SEMA3D: variants seen among roughly 807,000 people sequenced by gnomAD.
SEMA3D encodes the protein semaphorin-3D.
Under a neutral mutation model 100.1 loss-of-function variants are expected in SEMA3D, and 84 were observed. The ratio of observed to expected loss-of-function variants is 0.84; its 90% CI spans 0.70 to 1.01. SEMA3D has a LOEUF of 1.01. Among genes scored for constraint, SEMA3D ranks in the 50% least tolerant of loss-of-function variants. The pLI is 0.00. For missense variants in SEMA3D, 875 were observed against 934.1 expected, an observed-to-expected ratio of 0.94 and a Z score of 0.82; for synonymous variants, 312 against 320.7, an observed-to-expected ratio of 0.97 and a Z score of 0.29.
intron 1 of SEMA3D, chr7:85,181,973 C>T (rs1791422705): frequency 6.5e-6 from 1 of 153,338 alleles, no homozygotes; most frequent in African/African-American, 2.4e-5. Flanking sequence ...AGGTGTTTAC[C>T]TATGTATAAA....
intron 5 of SEMA3D, among the ~76,000 whole-genome samples, chr7:85,075,854 A>T: frequency 6.6e-6 from 1 of 152,252 alleles, no homozygotes; most frequent in East Asian, 1.9e-4. Context: ...GTTGCAAAAA[A>T]ACTTTACAAT....
chr7:85,048,370 A>G (rs1791066515), intron 9 of SEMA3D, among the ~76,000 whole-genome samples: 1 of 151,768 alleles, frequency 6.6e-6, no homozygotes, highest in Admixed American at 6.6e-5. Context: ...ATAAATAAAT[A>G]ATAATGATAA....
At chr7:85,049,463 G>C (rs1174023201) in intron 9 of SEMA3D, among the ~76,000 whole-genome samples, 1 of 151,334 alleles carries the variant, frequency 6.6e-6, no homozygotes, top group Non-Finnish European at 1.5e-5. Flanking sequence ...GGTAAATCTA[G>C]GAATGTTAAG....
At chr7:85,199,350 T>C in the SEMA3D span, among the ~76,000 whole-genome samples, 3 of 152,152 alleles carry the variant, frequency 2.0e-5, no homozygotes, top group East Asian at 5.8e-4. Flanking sequence ...GATTTTTGTA[T>C]GGAGAATGGT....
intron 3 of SEMA3D, among the ~76,000 whole-genome samples, chr7:85,118,954 G>A (rs1274658650): frequency 1.3e-5 from 2 of 151,784 alleles, no homozygotes; most frequent in African/African-American, 4.8e-5. Flanking sequence ...CAAAGGACAT[G>A]AACAGACACT....
chr7:85,042,248 C>T lies in SEMA3D; in HGVS notation c.899G>A (p.Trp300Ter). 1 of 1,613,250 alleles carries T rather than the reference C, an allele frequency of 6.2e-7. No homozygotes were observed. Among genetic ancestry groups the T allele is most frequent in the Non-Finnish European group, 8.5e-7 (1 of 1,179,498 alleles). Residue 300 changes from tryptophan (W) to a stop codon, truncating the protein, a stop_gained, in exon 10 of 19, where the codon TGG becomes TAG. Transcript: ENST00000284136. LOFTEE classifies it high-confidence loss of function. ...VGGQRSLINKWTTFLKARLIC... is the reference protein window; with the variant it reads ...VGGQRSLINK Reference sequence around the variant, plus strand: ...CAGTCTGGCCTTAAGAAAAGTCGTCCACTTGTTTATCAGGCTGCGTTGTCC... The same window carrying T: ...CAGTCTGGCCTTAAGAAAAGTCGTCTACTTGTTTATCAGGCTGCGTTGTCC...
At chr7:85,134,413 A>T (rs748666389) in intron 2 of SEMA3D, among the ~76,000 whole-genome samples, 2 of 152,018 alleles carry the variant, frequency 1.3e-5, no homozygotes, top group Non-Finnish European at 2.9e-5. Context: ...CATATCAAGA[A>T]ATTTAGTTTT....
chr7:85,230,028 AGAAT>A, the SEMA3D span, among the ~76,000 whole-genome samples: 2 of 152,222 alleles, frequency 1.3e-5, no homozygotes, highest in African/African-American at 4.8e-5. Flanking sequence ...ACATCCAATT[AGAAT>A]GAATATTTTG....
chr7:85,079,857 A>G (rs1788002607), intron 5 of SEMA3D, among the ~76,000 whole-genome samples: 2 of 152,212 alleles, frequency 1.3e-5, no homozygotes, highest in Non-Finnish European at 2.9e-5. Flanking sequence ...TCTCATAACC[A>G]AAGCATTTCA....
chr7:85,085,784 A>G (rs1168022980), intron 4 of SEMA3D, among the ~76,000 whole-genome samples: 2 of 152,076 alleles, frequency 1.3e-5, no homozygotes, highest in Admixed American at 1.3e-4. Flanking sequence ...GATGGTTTCA[A>G]CTCTAATTTT....
chr7:85,111,747 CAGT>C (rs1309184817), intron 3 of SEMA3D, among the ~76,000 whole-genome samples: 1 of 152,000 alleles, frequency 6.6e-6, no homozygotes, highest in Non-Finnish European at 1.5e-5. Context: ...TAAATGCCAG[CAGT>C]AGAAGATCTA....
rs766083326 is a variant in SEMA3D, at chr7:85,018,276, C to G, written c.1521G>C (p.Leu507Phe). ...LQIFKHSSII[L>F]NMELSLKQQQ... Reference sequence around the variant, plus strand: ...CCTGCTTCAGAGACAATTCCATGTTCAAGATGATTGATGAGTGCTGAAAAT... The same window carrying G: ...CCTGCTTCAGAGACAATTCCATGTTGAAGATGATTGATGAGTGCTGAAAAT... The change falls in exon 15 of 19, where the codon TTG becomes TTC. Residue 507 changes from leucine (L) to phenylalanine (F), a missense_variant. Physicochemically the swap from Leu to Phe is conservative, Grantham distance 22. Coordinates refer to ENST00000284136, the MANE Select transcript of SEMA3D (RefSeq NM_001384900.1). 1.9e-6 allele frequency: 3 copies of G among 1,595,416 alleles called. No individual in the cohort carries two copies. Among genetic ancestry groups the G allele is most frequent in the South Asian group, 2.2e-5 (2 of 90,518 alleles).
chr7:85,140,489 T>A (rs932944779), intron 2 of SEMA3D: 1 of 983,470 alleles, frequency 1.0e-6, no homozygotes, highest in African/African-American at 1.7e-5. Flanking sequence ...ATCACTTACA[T>A]TAAAAAGAAA....
chr7:85,248,576 G>C, the SEMA3D span, among the ~76,000 whole-genome samples: 2 of 152,048 alleles, frequency 1.3e-5, no homozygotes, highest in Non-Finnish European at 2.9e-5. Context: ...AGCAACCAAG[G>C]TGTCCTTTAG....
At position 84,999,993 on chromosome 7, in the gene SEMA3D, T is replaced by A. The variant is rs1047599591; in HGVS notation, c.1909-128A>T. 1.2e-5 allele frequency: 9 copies of A among 765,444 alleles called. No individual in the cohort carries two copies. The African/African-American group carries it at 1.2e-4, about 10-fold the overall frequency. The allele number at this position is 765,444 out of a possible 1,614,324, so 47.4% of individuals were successfully genotyped here. A position where few individuals can be genotyped will look rare whatever the true frequency, so the allele number is the denominator to read the frequency against. On this transcript the variant is annotated intron_variant, in intron 18 of 18. Transcript: ENST00000284136. ...ATTCATTGTCTCTCTGTCTCTGTCA[T>A]CAAGCATAATATTGTCAGCCATAGT... is the stretch of plus-strand genomic sequence containing the variant.
chr7:85,184,491 G>GT lies in SEMA3D; in HGVS notation c.-173+2186dup, dbSNP rs555647505. ...CCCATTTATAAATCTTTATGTCTTT[G>GT]TTTTTTTTTTCTTTTCTGTTCAAAA... On this transcript the variant is annotated intron_variant, in intron 1 of 18. Transcript: ENST00000284136. Among the ~76,000 whole-genome samples, 863 of 146,770 alleles carry GT rather than the reference G, an allele frequency of 5.9e-3. 11 individuals are homozygous for GT. The highest frequency in any genetic ancestry group is 0.019 in the African/African-American group (770 of 40,050).
At chr7:85,183,072 T>C (rs549919619) in intron 1 of SEMA3D, among the ~76,000 whole-genome samples, 1 of 152,286 alleles carries the variant, frequency 6.6e-6, no homozygotes, top group Admixed American at 6.5e-5. Context: ...GAAGACATAA[T>C]ATTCATTAAA....
intron 1 of SEMA3D, among the ~76,000 whole-genome samples, chr7:85,164,271 A>C (rs2116525982): frequency 6.6e-6 from 1 of 152,214 alleles, no homozygotes; most frequent in East Asian, 1.9e-4. Context: ...GATACCACCT[A>C]TCACGGATTT....
chr7:85,213,583 A>T, the SEMA3D span, among the ~76,000 whole-genome samples: 2 of 152,016 alleles, frequency 1.3e-5, no homozygotes, highest in Non-Finnish European at 2.9e-5. Context: ...CAGTGTGTTG[A>T]TGGTTGTCAT....
Sources: allele counts gnomAD v4.1 joint callset (sites outside exome capture counted in the v4.1 genomes callset), GRCh38; gene constraint gnomAD v4.1.1; transcripts MANE v1.5; gene names NCBI Gene and HGNC (gene_info 2026-07-23, HGNC 2026-07-21).